LRP1B: variants seen among roughly 807,000 people sequenced by gnomAD.
The protein encoded by LRP1B is LDL receptor related protein 1B.
In LRP1B, 217 loss-of-function variants were observed where a neutral mutation model predicts 556.6. The observed-to-expected ratio is 0.39, with a 90% CI of 0.35 to 0.44. The LOEUF (loss-of-function observed/expected upper bound fraction) is 0.44. Ranked by LOEUF, LRP1B falls within the 20% of genes least tolerant of loss-of-function variation. LRP1B has a pLI of 1.00. For synonymous variants in LRP1B, 2,047 were observed against 1,865.8 expected (o/e 1.10, Z -2.50); for missense variants, 5,053 against 5,620.8 (o/e 0.90, Z 3.23).
At chr2:141,112,059 TA>T (rs1336898881) in intron 7 of LRP1B, among the ~76,000 whole-genome samples, 1 of 95,868 alleles carries the variant, frequency 1.0e-5, no homozygotes, top group Non-Finnish European at 2.1e-5. Flanking sequence ...AATAAATAAA[TA>T]AATAAATAAA....
chr2:141,133,336 C>CAT (rs1242868036), intron 7 of LRP1B, among the ~76,000 whole-genome samples: 1 of 140,834 alleles, frequency 7.1e-6, no homozygotes, highest in Admixed American at 7.2e-5. Flanking sequence ...GATATATTAG[C>CAT]ATTTTCTTTT....
At chr2:141,482,164 GC>G (rs1682944294) in intron 2 of LRP1B, among the ~76,000 whole-genome samples, 1 of 151,764 alleles carries the variant, frequency 6.6e-6, no homozygotes, top group East Asian at 1.9e-4. Context: ...TATCATACAA[GC>G]AAAAAAACGA....
intron 6 of LRP1B, among the ~76,000 whole-genome samples, chr2:141,200,273 A>T (rs1323054478): frequency 6.6e-6 from 1 of 152,146 alleles, no homozygotes; most frequent in African/African-American, 2.4e-5. Flanking sequence ...AACCAAGATC[A>T]TATCCTTTGC....
At chr2:140,657,199 TAA>T (rs34920664) in intron 41 of LRP1B, among the ~76,000 whole-genome samples, 12 of 148,190 alleles carry the variant, frequency 8.1e-5, no homozygotes, top group African/African-American at 3.0e-4. Context: ...AACATAAAAG[TAA>T]AAAAAAAAAT....
intron 3 of LRP1B, among the ~76,000 whole-genome samples, chr2:141,464,607 T>TATATATATATATATATA (rs1295526699): frequency 1.3e-4 from 8 of 59,864 alleles, no homozygotes; most frequent in East Asian, 3.4e-4. Flanking sequence ...TATATATATA[T>TATATATATATATATATA]TTTTTTAGTA....
chr2:140,757,008 A>G (rs1371285079), intron 35 of LRP1B, among the ~76,000 whole-genome samples: 1 of 152,214 alleles, frequency 6.6e-6, no homozygotes, highest in African/African-American at 2.4e-5. Context: ...AAAAGCTTTA[A>G]ATAGACATTT....
intron 2 of LRP1B, among the ~76,000 whole-genome samples, chr2:141,753,279 T>TATATATATATATATATATATAG: frequency 7.4e-6 from 1 of 134,562 alleles, no homozygotes; most frequent in Admixed American, 7.4e-5. Context: ...TATATATATA[T>TATATATATATATATATATATAG]ATATCCCAGA....
chr2:142,043,797 C>T (rs1033922498), intron 1 of LRP1B, among the ~76,000 whole-genome samples: 7 of 151,486 alleles, frequency 4.6e-5, no homozygotes, highest in Non-Finnish European at 1.0e-4. Flanking sequence ...TTCGACTGAA[C>T]AGAGTGAGTA....
chr2:141,759,450 G>A (rs909356955), intron 2 of LRP1B, among the ~76,000 whole-genome samples: 3 of 152,120 alleles, frequency 2.0e-5, no homozygotes, highest in African/African-American at 7.2e-5. Context: ...ATGAAATATA[G>A]GGATAGGGAA....
chr2:141,799,899 C>T (rs1429152872), intron 2 of LRP1B, among the ~76,000 whole-genome samples: 1 of 151,538 alleles, frequency 6.6e-6, no homozygotes, highest in Non-Finnish European at 1.5e-5. Flanking sequence ...TATATACACA[C>T]AAACTTCATG....
intron 56 of LRP1B, among the ~76,000 whole-genome samples, chr2:140,493,723 T>C (rs1211102341): frequency 2.0e-5 from 3 of 152,224 alleles, no homozygotes; most frequent in Non-Finnish European, 4.4e-5. Flanking sequence ...ATACCGTTAT[T>C]GTCCTTTTTA....
chr2:140,569,262 A>G (rs1312480775), intron 43 of LRP1B, among the ~76,000 whole-genome samples: 1 of 152,056 alleles, frequency 6.6e-6, no homozygotes, highest in African/African-American at 2.4e-5. Flanking sequence ...ATTAAAACAT[A>G]TAGACTGGCT....
At chr2:141,484,825 C>T (rs1176945829) in intron 2 of LRP1B, among the ~76,000 whole-genome samples, 3 of 152,038 alleles carry the variant, frequency 2.0e-5, no homozygotes, top group East Asian at 3.9e-4. Flanking sequence ...TATCCTGAGA[C>T]TTTGCTGAAG....
intron 2 of LRP1B, among the ~76,000 whole-genome samples, chr2:141,764,727 A>G (rs1183688472): frequency 1.3e-5 from 2 of 152,086 alleles, no homozygotes; most frequent in African/African-American, 2.4e-5. Context: ...GCTTAATAAT[A>G]CAGTTTGTTT....
At chr2:140,338,213 G>A (rs532038712) in intron 77 of LRP1B, among the ~76,000 whole-genome samples, 1 of 151,614 alleles carries the variant, frequency 6.6e-6, no homozygotes, top group Non-Finnish European at 1.5e-5. Flanking sequence ...AGAATATGGG[G>A]TAAAAAATAG....
chr2:142,010,465 G>GAAT (rs1264976587), intron 1 of LRP1B, among the ~76,000 whole-genome samples: 1 of 143,654 alleles, frequency 7.0e-6, no homozygotes, highest in African/African-American at 2.6e-5. Context: ...TGAGGCAGGA[G>GAAT]AATGGCGTGA....
Position 140,702,512 on chromosome 2 carries a change from C to T in LRP1B, c.6065G>A (p.Gly2022Glu), listed in dbSNP as rs1384224286. The part of the protein sequence containing the change: ...WTEWGQMPCI[G>E]KARLDGSEKV... ...CTCTGAGCCATCCAAGCGAGCCTTTCCAATACAGGGCATTTGTCCCCATTC... is the reference window on the plus strand; with the variant it reads ...CTCTGAGCCATCCAAGCGAGCCTTTTCAATACAGGGCATTTGTCCCCATTC... Residue 2022 changes from glycine (G) to glutamate (E), a missense_variant, in exon 38 of 91, where the codon GGA becomes GAA. Transcript: ENST00000389484. 6.2e-7 allele frequency: 1 copy of T among 1,613,434 alleles called. No homozygotes were observed. Among genetic ancestry groups the T allele is most frequent in the South Asian group, 1.1e-5 (1 of 91,070 alleles).
intron 3 of LRP1B, among the ~76,000 whole-genome samples, chr2:141,396,478 C>CT (rs1365940262): frequency 1.3e-5 from 2 of 152,222 alleles, no homozygotes; most frequent in East Asian, 3.9e-4. Flanking sequence ...TGAAACATTA[C>CT]TTTTAGTGGC....
intron 2 of LRP1B, among the ~76,000 whole-genome samples, chr2:141,516,806 T>G (rs1464427545): frequency 6.6e-6 from 1 of 151,164 alleles, no homozygotes; most frequent in Non-Finnish European, 1.5e-5. Context: ...CAAGTGATTC[T>G]CTTGCCTCAG....
Sources: allele counts gnomAD v4.1 joint callset (sites outside exome capture counted in the v4.1 genomes callset), GRCh38; gene constraint gnomAD v4.1.1; transcripts MANE v1.5; gene names NCBI Gene and HGNC (gene_info 2026-07-23, HGNC 2026-07-21).